The following IRX6 variants were observed in gnomAD, a reference collection of about 807,000 sequenced individuals.
The protein encoded by IRX6 is iroquois homeobox 6.
IRX6 carries 46 observed loss-of-function variants against 47.7 expected under a neutral mutation model. That is an observed-to-expected ratio of 0.96 (90% confidence interval 0.76 to 1.23). The LOEUF is 1.23. Ranked by LOEUF, IRX6 falls within the 50% of genes most tolerant of loss-of-function variation. The pLI, the probability that IRX6 is intolerant of heterozygous loss-of-function variation, is 0.00. For synonymous variants in IRX6, 265 were observed against 246.2 expected (o/e 1.08, Z -0.72); for missense variants, 722 against 588.0 (o/e 1.23, Z -2.36).
chr16:55,324,562 T>C lies in IRX6; in HGVS notation c.-530T>C. The C allele has an allele frequency of 6.4e-6, 1 of 156,300 alleles. No homozygotes were observed. 9.7% of individuals were successfully genotyped at this position (156,300 alleles called of 1,614,324 possible). A position where few individuals can be genotyped will look rare whatever the true frequency, so the allele number is the denominator to read the frequency against. ...AGGATTCAGCGCCGAGCAGAGAGGG[T>C]CAGGGTTTTTGACGTTCCTCGCCAG... On this transcript the variant is annotated 5_prime_UTR_variant, in exon 1 of 6. Transcript: ENST00000290552. The surrounding 1 kb of genome is among the most constrained non-coding windows in gnomAD (Gnocchi z 4.4).
chr16:55,330,244 C>A, intron 5 of IRX6, 54 bp from the exon 6 acceptor site: 1 of 1,587,846 alleles, frequency 6.3e-7, no homozygotes, highest in South Asian at 1.1e-5. Flanking sequence ...CAGAGGTTTC[C>A]TAAGAATTGC....
intron 1 of IRX6, chr16:55,326,132 G>T: frequency 3.2e-6 from 1 of 311,018 alleles, no homozygotes; most frequent in Non-Finnish European, 5.6e-6. Context: ...AGGGCAGTTT[G>T]GTTAATTTAT....
At chr16:55,325,858 C>T (rs1960512148) in intron 1 of IRX6, 1 of 157,398 alleles carries the variant, frequency 6.4e-6, no homozygotes. Context: ...CTAGTGCCGG[C>T]TCGACCTTTG....
At position 55,326,586 on chromosome 16, in the gene IRX6, G is replaced by A. The variant is rs561032293; in HGVS notation, c.296G>A (p.Gly99Glu). The A allele has an allele frequency of 1.3e-6, 2 of 1,549,418 alleles. No individual in the cohort carries two copies. The highest frequency in any genetic ancestry group is 1.9e-5 in the Admixed American group (1 of 52,082). The part of the protein sequence containing the change: ...PYSPEPPSLY[G>E]ALNPQYEFKE... ...AGCCCAGAGCCCCCCTCACTGTATG[G>A]GGCACTGGTGAGTACAGGGGTGGAG... Residue 99 changes from glycine (G) to glutamate (E), a missense_variant, in exon 2 of 6, where the codon GGG becomes GAG. By Grantham distance (98) the Gly-to-Glu change is moderately conservative. Transcript: ENST00000290552.
intron 1 of IRX6, among the ~76,000 whole-genome samples, chr16:55,325,530 G>GAGAGAGAGAGA (rs1555483904): frequency 1.1e-4 from 1 of 9,082 alleles, no homozygotes; most frequent in African/African-American, 7.7e-4. Context: ...AAGGAAGGAA[G>GAGAGAGAGAGA]GAGAGAGAGA....
At chr16:55,326,012 T>G in intron 1 of IRX6, 1 of 309,180 alleles carries the variant, frequency 3.2e-6, no homozygotes, top group Non-Finnish European at 6.0e-6. Context: ...GGGAGGAGGG[T>G]AGGGAAGGGA....
At chr16:55,328,309 G>A (rs1201260350) in intron 4 of IRX6, among the ~76,000 whole-genome samples, 1 of 152,130 alleles carries the variant, frequency 6.6e-6, no homozygotes, top group African/African-American at 2.4e-5. Flanking sequence ...GATGGCTGGT[G>A]CTCAGTAAAT....
rs72142057 is a variant in IRX6, at chr16:55,328,455, GCAC to G, written c.722-244_722-242del. Among the ~76,000 whole-genome samples, 2,964 of 152,286 alleles carry G rather than the reference GCAC, an allele frequency of 0.019. 221 individuals are homozygous for G. In the East Asian group the frequency reaches 0.25, roughly 13 times the overall value. ...CGCCAAGTGGCATTTCCTTGGCTTG[GCAC>G]TGCTCGCTAGAGGAGGAGTCCGCTA... On this transcript the variant is annotated intron_variant, in intron 4 of 5. Coordinates refer to ENST00000290552, the MANE Select transcript of IRX6 (RefSeq NM_024335.3).
rs1449905348 is a variant in IRX6, at chr16:55,324,887, C to G, written c.-205C>G. ...CTTCTGTCTTCCGGACCCCACGGGC[C>G]GGAGGGGCGCCTTCCGGAGCGCAGG... On this transcript the variant is annotated 5_prime_UTR_variant, in exon 1 of 6. Coordinates refer to ENST00000290552, the MANE Select transcript of IRX6 (RefSeq NM_024335.3). This position sits in a 1 kb window ranked among gnomAD's most constrained non-coding sequence, Gnocchi z 4.4. 5.0e-6 allele frequency: 3 copies of G among 604,124 alleles called. No homozygotes were observed. The highest frequency in any genetic ancestry group is 2.0e-5 in the South Asian group (1 of 51,002). The allele number at this position is 604,124 out of a possible 1,614,324, so 37.4% of individuals were successfully genotyped here.
chr16:55,325,558 A>G lies in IRX6; in HGVS notation c.45+422A>G, dbSNP rs1417405235. The stretch of plus-strand genomic sequence containing the variant: ...GAGAGAGAGAGAGAGAGAGAGAGAG[A>G]GAGAAAGAAAGAGAAAGAAAGAAAG... On this transcript the variant is annotated intron_variant, in intron 1 of 5. Transcript: ENST00000290552. 3.0e-5 allele frequency among the ~76,000 whole-genome samples: 3 copies of G among 98,542 alleles called. 1 individual carries two copies. The highest frequency in any genetic ancestry group is 7.5e-4 in the East Asian group (2 of 2,682). The allele number at this position is 98,542 out of a possible 152,430, so 64.6% of individuals were successfully genotyped here.
intron 5 of IRX6, among the ~76,000 whole-genome samples, chr16:55,330,095 T>C (rs551431506): frequency 1.3e-5 from 2 of 152,324 alleles, no homozygotes; most frequent in East Asian, 3.9e-4. Flanking sequence ...TTTGTAGTAA[T>C]TTCTCTCAGG....
intron 1 of IRX6, among the ~76,000 whole-genome samples, chr16:55,325,530 GGAGA>G (rs750802559): frequency 0.029 from 266 of 9,078 alleles, 72 homozygotes; most frequent in East Asian, 0.04. Flanking sequence ...AAGGAAGGAA[GGAGA>G]GAGAGAGAGA....
rs1191292876 is a variant in IRX6 at position 55,326,960 on chromosome 16, G to C, written c.304-336G>C. ...TGGTGTGTGTTGTGGGGCAGGGGGC[G>C]GGGGGTGGGGGGCAGTAAGGGGGGA... is the stretch of plus-strand genomic sequence containing the variant. On this transcript the variant is annotated intron_variant, in intron 2 of 5. Coordinates refer to ENST00000290552, the MANE Select transcript of IRX6 (RefSeq NM_024335.3). 26 of 103,908 alleles carry C rather than the reference G, an allele frequency of 2.5e-4. 1 individual carries two copies. The highest frequency in any genetic ancestry group is 1.2e-3 in the African/African-American group (23 of 19,084). The allele number at this position is 103,908 out of a possible 1,614,324, so 6.4% of individuals were successfully genotyped here.
In IRX6 at chr16:55,329,330, C is replaced by T. The variant is rs747436626; in HGVS notation, c.1333+19C>T. ...GCAGAAGGTAGTGGGCCCCCAGCGGCGCTGGGAGTATCTATGCAAAAGACA... is the reference window on the plus strand; with the variant it reads ...GCAGAAGGTAGTGGGCCCCCAGCGGTGCTGGGAGTATCTATGCAAAAGACA... On this transcript the variant is annotated intron_variant, in intron 5 of 5. Transcript: ENST00000290552. 6.3e-7 allele frequency: 1 copy of T among 1,579,028 alleles called. No individual in the cohort carries two copies. Among genetic ancestry groups the T allele is most frequent in the Non-Finnish European group, 8.6e-7 (1 of 1,163,244 alleles).
At chr16:55,329,370 C>A (rs1960603188) in intron 5 of IRX6, 59 bp downstream of exon 5, 1 of 1,526,582 alleles carries the variant, frequency 6.6e-7, no homozygotes, top group South Asian at 1.2e-5. Context: ...CCTACCGCCC[C>A]GCCCGGCAAT....
Position 55,324,252 on chromosome 16 carries a change from C to T in IRX6, c.-840C>T, listed in dbSNP as rs1240931547. The T allele has an allele frequency of 6.6e-6, 1 of 151,814 alleles. No individual in the cohort carries two copies. The highest frequency in any genetic ancestry group is 2.0e-4 in the East Asian group (1 of 5,118). The allele number at this position is 151,814 out of a possible 1,614,324, so 9.4% of individuals were successfully genotyped here. The stretch of plus-strand genomic sequence containing the variant: ...CTTCGCCCACCCCAGCTCCCTCCCC[C>T]TCCCCCACGCGCCTCTGTTCACTCA... On this transcript the variant is annotated 5_prime_UTR_variant, in exon 1 of 6. Coordinates refer to ENST00000290552, the MANE Select transcript of IRX6 (RefSeq NM_024335.3). The surrounding 1 kb of genome is among the most constrained non-coding windows in gnomAD (Gnocchi z 4.4).
chr16:55,327,384 T>C lies in IRX6; in HGVS notation c.392T>C (p.Leu131Pro), dbSNP rs757003722. Residue 131 changes from leucine to proline, a missense_variant, in exon 3 of 6, where the codon CTG becomes CCG. By Grantham distance (98) the Leu-to-Pro change is moderately conservative. Transcript: ENST00000290552. ...GCCTATTATCCCTATGAGCGGACTC[T>C]GGGGCAGTACCAATATGAACGGTAA... ...PGAYYPYERT[L>P]GQYQYERYGA... 41 of 1,613,620 alleles carry C rather than the reference T, an allele frequency of 2.5e-5. No homozygotes were observed. The highest frequency in any genetic ancestry group is 3.5e-5 in the Non-Finnish European group (41 of 1,179,686).
intron 5 of IRX6, among the ~76,000 whole-genome samples, chr16:55,329,731 G>T (rs764982461): frequency 1.2e-4 from 19 of 152,170 alleles, no homozygotes; most frequent in Non-Finnish European, 2.1e-4. Context: ...ACTAGGGTTG[G>T]GCAGGCACCA....
At chr16:55,329,674 C>T (rs1265255010) in intron 5 of IRX6, among the ~76,000 whole-genome samples, 1 of 120,060 alleles carries the variant, frequency 8.3e-6, no homozygotes. Context: ...CCCTGCCTGC[C>T]TTTCAGAGGA....
Sources: allele counts gnomAD v4.1 joint callset (sites outside exome capture counted in the v4.1 genomes callset), GRCh38; gene constraint gnomAD v4.1.1; non-coding constraint Gnocchi (gnomAD v3.1); transcripts MANE v1.5; gene names NCBI Gene and HGNC (gene_info 2026-07-23, HGNC 2026-07-21).